The following PIEZO2 variants were observed in gnomAD, a reference collection of about 807,000 sequenced individuals.
The protein encoded by PIEZO2 is piezo-type mechanosensitive ion channel component 2.
A neutral mutation model predicts 337.3 loss-of-function variants in PIEZO2; 172 were observed. That is an observed-to-expected ratio of 0.51 (90% confidence interval 0.45 to 0.58). The LOEUF is 0.58. PIEZO2 is among the 20% of genes least tolerant of loss of function. PIEZO2 has a pLI of 0.00. For missense variants in PIEZO2, 3,028 were observed against 3,391.3 expected (o/e 0.89, Z 2.66); for synonymous variants, 1,251 against 1,228.5 (o/e 1.02, Z -0.38).
intron 21 of PIEZO2, chr18:10,769,933 T>C (rs1242042009): frequency 6.0e-6 from 3 of 496,274 alleles, no homozygotes; most frequent in Non-Finnish European, 1.0e-5. Flanking sequence ...CTTTGTAATA[T>C]GACCAAGCCA....
rs1232295269 is a variant in PIEZO2, at chr18:10,682,160, C to T, written c.7630G>A (p.Gly2544Arg). 1 of 1,537,060 alleles carries T rather than the reference C, an allele frequency of 6.5e-7. No individual in the cohort carries two copies. Residue 2544 changes from glycine to arginine, a missense_variant, in exon 50 of 56, where the codon GGG (glycine) becomes AGG (arginine). Coordinates refer to ENST00000674853, the MANE Select transcript of PIEZO2 (RefSeq NM_001378183.1). The surrounding 1 kb of genome is among the most constrained non-coding windows in gnomAD (Gnocchi z 5.6). ...LFMSLIKSVA[G>R]VINQPLDVSV... Reference sequence around the variant, plus strand: ...ACGTCCAGGGGCTGGTTGATGACCCCAGCCACAGATTTGATCAAAGACATG... The same window carrying T: ...ACGTCCAGGGGCTGGTTGATGACCCTAGCCACAGATTTGATCAAAGACATG...
At chr18:11,124,911 T>C (rs2040138877) in intron 1 of PIEZO2, among the ~76,000 whole-genome samples, 1 of 152,210 alleles carries the variant, frequency 6.6e-6, no homozygotes. Flanking sequence ...TATGGACCAC[T>C]TATGAGGGTC....
Position 10,752,723 on chromosome 18 carries a change from C to T in PIEZO2, c.4080G>A (p.Leu1360=). ...GCAGGATGCTCTTGATGGGTTTCAACAGCAAATCGCCCCCAAAGAGCAGGA... is the reference window on the plus strand; with the variant it reads ...GCAGGATGCTCTTGATGGGTTTCAATAGCAAATCGCCCCCAAAGAGCAGGA... ...FYFLLFGGDL[L]LKPIKSILRY... Residue 1360 remains leucine, a synonymous_variant, in exon 28 of 56, where the codon CTG becomes CTA. Coordinates refer to ENST00000674853, the MANE Select transcript of PIEZO2 (RefSeq NM_001378183.1). The T allele has an allele frequency of 1.3e-6, 2 of 1,537,226 alleles. No individual in the cohort carries two copies. The highest frequency in any genetic ancestry group is 1.7e-6 in the Non-Finnish European group (2 of 1,146,906).
chr18:11,103,433 T>C (rs1472829249), intron 1 of PIEZO2, among the ~76,000 whole-genome samples: 1 of 152,174 alleles, frequency 6.6e-6, no homozygotes, highest in African/African-American at 2.4e-5. Flanking sequence ...AATGGCCAAT[T>C]CATGTGCTTC....
At chr18:11,106,520 G>A (rs144037893) in intron 1 of PIEZO2, among the ~76,000 whole-genome samples, 17 of 147,944 alleles carry the variant, frequency 1.1e-4, no homozygotes, top group Admixed American at 3.4e-4. Flanking sequence ...TGATCCTCCC[G>A]CCTCAGCCTC....
At position 11,070,546 on chromosome 18, in the gene PIEZO2, G is replaced by A. The variant is rs573220424; in HGVS notation, c.65-4324C>T. 4.6e-5 allele frequency among the ~76,000 whole-genome samples: 7 copies of A among 152,232 alleles called. No individual in the cohort carries two copies. In the South Asian group the frequency reaches 6.2e-4, roughly 14 times the overall value. ...AAAAAGCAGCAGAAAAATTCGAGAC[G>A]GATATGAGAAAAACCAGGAAAGCCT... On this transcript the variant is annotated intron_variant, in intron 1 of 55. Transcript: ENST00000674853. This position sits in a 1 kb window ranked among gnomAD's most constrained non-coding sequence, Gnocchi z 4.3.
Position 10,716,162 on chromosome 18 carries a change from T to C in PIEZO2, c.5090-346A>G, listed in dbSNP as rs869271. Among the ~76,000 whole-genome samples, 22,661 of 152,096 alleles carry C rather than the reference T, an allele frequency of 0.15. 2,466 individuals are homozygous for C. Among genetic ancestry groups the C allele is most frequent in the East Asian group, 0.27 (1,393 of 5,152 alleles). On this transcript the variant is annotated intron_variant, in intron 37 of 55. Transcript: ENST00000674853. The surrounding 1 kb of genome is among the most constrained non-coding windows in gnomAD (Gnocchi z 4.1). ...TGTTTTCAGTAAAAGTTACTCCAAA[T>C]GTGCCTGCCTCTTCTGTTTCCCCTT... is the stretch of plus-strand genomic sequence containing the variant.
intron 3 of PIEZO2, among the ~76,000 whole-genome samples, chr18:10,936,855 C>T (rs562960572): frequency 7.2e-5 from 11 of 152,314 alleles, no homozygotes; most frequent in Admixed American, 2.0e-4. Context: ...GTGTGCAGCT[C>T]GTCTGGCAGG....
rs1005470068 is a variant in PIEZO2 at position 11,110,710 on chromosome 18, G to A, written c.64+37815C>T. On this transcript the variant is annotated intron_variant, in intron 1 of 55. Transcript: ENST00000674853. The surrounding 1 kb of genome is among the most constrained non-coding windows in gnomAD (Gnocchi z 4.2). ...TTTCCGCCCCTCCCCGCCCCGGCCC[G>A]CCCGCCCCGGGTCTTGTGCTTCCTG... Among the ~76,000 whole-genome samples the A allele has an allele frequency of 3.3e-5, 3 of 91,022 alleles. No individual in the cohort carries two copies. Among genetic ancestry groups the A allele is most frequent in the Middle Eastern group, 4.6e-3 (1 of 216 alleles). The allele number at this position is 91,022 out of a possible 152,430, so 59.7% of individuals were successfully genotyped here. A position where few individuals can be genotyped will look rare whatever the true frequency, so the allele number is the denominator to read the frequency against.
intron 21 of PIEZO2, among the ~76,000 whole-genome samples, chr18:10,765,908 A>C (rs2038333861): frequency 6.6e-6 from 1 of 152,104 alleles, no homozygotes; most frequent in South Asian, 2.1e-4. Context: ...CGGGAAGGTG[A>C]GCTGATGTCC....
In PIEZO2 at chr18:11,112,960, T is replaced by C. The variant is rs1317062887; in HGVS notation, c.64+35565A>G. ...TCAAGCTGCTCTCTAGATTCAGACC[T>C]ACAGGATAAAGGTCCTGGTGTGTTT... On this transcript the variant is annotated intron_variant, in intron 1 of 55. Transcript: ENST00000674853. This position sits in a 1 kb window ranked among gnomAD's most constrained non-coding sequence, Gnocchi z 4.3. Among the ~76,000 whole-genome samples the C allele has an allele frequency of 6.6e-6, 1 of 152,204 alleles. No homozygotes were observed. Among genetic ancestry groups the C allele is most frequent in the Non-Finnish European group, 1.5e-5 (1 of 68,040 alleles).
In PIEZO2 at chr18:10,786,107, T is replaced by C. The variant is rs551698869; in HGVS notation, c.2318+929A>G. ...TTTTCCTAAGACAAGCTTCTTCTAATGCTTCAACTGTAGTTTAAACCAGCT... is the reference window on the plus strand; with the variant it reads ...TTTTCCTAAGACAAGCTTCTTCTAACGCTTCAACTGTAGTTTAAACCAGCT... On this transcript the variant is annotated intron_variant, in intron 16 of 55. Transcript: ENST00000674853. Among the ~76,000 whole-genome samples, 21 of 152,336 alleles carry C rather than the reference T, an allele frequency of 1.4e-4. No homozygotes were observed. The South Asian group carries it at 4.1e-3, about 30-fold the overall frequency.
rs1463163069 is a variant in PIEZO2, at chr18:11,094,542, G to C, written c.65-28320C>G. On this transcript the variant is annotated intron_variant, in intron 1 of 55. Coordinates refer to ENST00000674853, the MANE Select transcript of PIEZO2 (RefSeq NM_001378183.1). This position sits in a 1 kb window ranked among gnomAD's most constrained non-coding sequence, Gnocchi z 4.4. ...GCAAGCCAGCAACTCTCCAAAAGCA[G>C]TCGCTAATTAATAAGTGCAGGCACT... 6.6e-6 allele frequency among the ~76,000 whole-genome samples: 1 copy of C among 152,168 alleles called. No homozygotes were observed. Among genetic ancestry groups the C allele is most frequent in the African/African-American group, 2.4e-5 (1 of 41,450 alleles).
rs1320707312 is a variant in PIEZO2, at chr18:10,983,596, C to G, written c.161-3936G>C. Among the ~76,000 whole-genome samples the G allele has an allele frequency of 2.0e-5, 3 of 152,106 alleles. No homozygotes were observed. In the East Asian group the frequency reaches 5.8e-4, roughly 29 times the overall value. On this transcript the variant is annotated intron_variant, in intron 2 of 55. Coordinates refer to ENST00000674853, the MANE Select transcript of PIEZO2 (RefSeq NM_001378183.1). Reference sequence around the variant, plus strand: ...TGCACAACAACTGGTGTCCAATTCTCTACAGCCAGTCACAGTCTCTACTAA... The same window carrying G: ...TGCACAACAACTGGTGTCCAATTCTGTACAGCCAGTCACAGTCTCTACTAA...
chr18:11,006,571 T>C (rs2035728319), intron 2 of PIEZO2, among the ~76,000 whole-genome samples: 1 of 152,086 alleles, frequency 6.6e-6, no homozygotes, highest in Non-Finnish European at 1.5e-5. Context: ...CTCGTATTGG[T>C]CTATTAGCTT....
chr18:11,110,777 G>A lies in PIEZO2; in HGVS notation c.64+37748C>T, dbSNP rs990555262. 2.1e-5 allele frequency among the ~76,000 whole-genome samples: 3 copies of A among 140,628 alleles called. No homozygotes were observed. The highest frequency in any genetic ancestry group is 4.6e-5 in the Non-Finnish European group (3 of 64,726). The allele number at this position is 140,628 out of a possible 152,430, so 92.3% of individuals were successfully genotyped here. On this transcript the variant is annotated intron_variant, in intron 1 of 55. Transcript: ENST00000674853. This position sits in a 1 kb window ranked among gnomAD's most constrained non-coding sequence, Gnocchi z 4.2. ...CTGATGGCAGGCAGCTCTGGCCCAC[G>A]TGTGCGTTTCCTTTGGAACACACAG...
rs115405978 is a variant in PIEZO2 at position 10,707,814 on chromosome 18, A to C, written c.5588+461T>G. On this transcript the variant is annotated intron_variant, in intron 40 of 55. Coordinates refer to ENST00000674853, the MANE Select transcript of PIEZO2 (RefSeq NM_001378183.1). The surrounding 1 kb of genome is among the most constrained non-coding windows in gnomAD (Gnocchi z 4.2). The stretch of plus-strand genomic sequence containing the variant: ...GGCAGATAACATGCAGACTTATTTA[A>C]TATTCACTAAAAATGACTACCTATG... Among the ~76,000 whole-genome samples the C allele has an allele frequency of 0.016, 2,378 of 152,312 alleles. 67 individuals carry two copies. The highest frequency in any genetic ancestry group is 0.054 in the African/African-American group (2,261 of 41,554).
At chr18:10,909,035 A>G (rs2030217812) in intron 4 of PIEZO2, among the ~76,000 whole-genome samples, 1 of 152,124 alleles carries the variant, frequency 6.6e-6, no homozygotes, top group Non-Finnish European at 1.5e-5. Context: ...TTTTACATCC[A>G]CTGTCTATGG....
chr18:10,954,083 C>T lies in PIEZO2; in HGVS notation c.286+25452G>A, dbSNP rs1598740821. Among the ~76,000 whole-genome samples the T allele has an allele frequency of 6.6e-6, 1 of 152,212 alleles. No individual in the cohort carries two copies. On this transcript the variant is annotated intron_variant, in intron 3 of 55. Transcript: ENST00000674853. The surrounding 1 kb of genome is among the most constrained non-coding windows in gnomAD (Gnocchi z 4.2). ...AGCCTGTGAAATTTTAGGCCTTACA[C>T]TATATAACTCAGTCTTGAAATCAGA...
Sources: allele counts gnomAD v4.1 joint callset (sites outside exome capture counted in the v4.1 genomes callset), GRCh38; gene constraint gnomAD v4.1.1; non-coding constraint Gnocchi (gnomAD v3.1); transcripts MANE v1.5; gene names NCBI Gene and HGNC (gene_info 2026-07-23, HGNC 2026-07-21).